The following FAM50B variants were observed in gnomAD, a reference collection of about 807,000 sequenced individuals.
FAM50B encodes protein FAM50B.
In FAM50B, 9 loss-of-function variants were observed where a neutral mutation model predicts 25.4. That is an observed-to-expected ratio of 0.35 (90% CI 0.21 to 0.62). The LOEUF (loss-of-function observed/expected upper bound fraction) is 0.62. Among genes scored for constraint, FAM50B ranks in the 20% least tolerant of loss-of-function variants. The pLI is 0.73. For synonymous variants in FAM50B, 212 were observed against 204.3 expected (o/e 1.04, Z -0.32); for missense variants, 372 against 477.9 (o/e 0.78, Z 2.07).
At chr6:3,840,183 C>T in the FAM50B span, among the ~76,000 whole-genome samples, 3 of 151,904 alleles carry the variant, frequency 2.0e-5, no homozygotes, top group Non-Finnish European at 4.4e-5. Context: ...TTAGTAGAGA[C>T]GGGGTTTCAC....
At chr6:3,837,758 A>G in the FAM50B span, among the ~76,000 whole-genome samples, 1 of 150,720 alleles carries the variant, frequency 6.6e-6, no homozygotes, top group African/African-American at 2.4e-5. Flanking sequence ...ACAGAGAGAG[A>G]GGGGGCCACA....
At chr6:3,845,182 G>A (rs1762107364), upstream of FAM50B, among the ~76,000 whole-genome samples, 1 of 152,164 alleles carries the variant, frequency 6.6e-6, no homozygotes. Context: ...GGAACTTAGG[G>A]GAAAATTCTA....
rs1762207833 is a variant in FAM50B, at chr6:3,850,749, A to G, written c.938A>G (p.Tyr313Cys). 5 of 1,613,888 alleles carry G rather than the reference A, an allele frequency of 3.1e-6. No homozygotes were observed. Among genetic ancestry groups the G allele is most frequent in the Non-Finnish European group, 4.2e-6 (5 of 1,180,040 alleles). The change falls in exon 2 of 2, where the codon TAT becomes TGT. Residue 313 changes from tyrosine to cysteine, a missense_variant. By Grantham distance (194) the Tyr-to-Cys change is radical. This residue lies in a region of FAM50B where 57 missense variants were observed against 65.8 expected (regional missense o/e 0.87). Transcript: ENST00000648326. ...TTCCCCGCCAGCCGCTGGGAGGCCT[A>G]TGACCCCGAGAAGAAGTGGGACAAG... ...HIFPASRWEA[Y>C]DPEKKWDKYT... is the part of the protein sequence containing the mutation.
chr6:3,838,939 T>C, the FAM50B span, among the ~76,000 whole-genome samples: 1 of 151,742 alleles, frequency 6.6e-6, no homozygotes, highest in African/African-American at 2.4e-5. Flanking sequence ...AAATGCATTA[T>C]ACTGGAGTGA....
chr6:3,837,635 A>G, the FAM50B span, among the ~76,000 whole-genome samples: 3 of 152,244 alleles, frequency 2.0e-5, no homozygotes, highest in African/African-American at 7.2e-5. Context: ...TGGGTAATTT[A>G]TAAAGAACAG....
At chr6:3,848,936 ATG>A (rs1482806252), upstream of FAM50B, among the ~76,000 whole-genome samples, 1 of 151,754 alleles carries the variant, frequency 6.6e-6, no homozygotes, top group African/African-American at 2.4e-5. Context: ...TGCGCAGGTA[ATG>A]TTCACGAGAC....
chr6:3,838,840 CAA>C, the FAM50B span, among the ~76,000 whole-genome samples: 5 of 48,168 alleles, frequency 1.0e-4, no homozygotes, highest in African/African-American at 3.3e-4. Flanking sequence ...GACTCCATCT[CAA>C]AAAAAAAAAA....
the FAM50B span, among the ~76,000 whole-genome samples, chr6:3,834,604 G>T: frequency 6.6e-6 from 1 of 151,944 alleles, no homozygotes; most frequent in Non-Finnish European, 1.5e-5. Flanking sequence ...GTTTAAAAAG[G>T]TTACTAATAA....
At chr6:3,837,091 A>C in the FAM50B span, among the ~76,000 whole-genome samples, 2 of 152,224 alleles carry the variant, frequency 1.3e-5, no homozygotes, top group Non-Finnish European at 2.9e-5. Context: ...CTCAAACTGG[A>C]CCACAGATCT....
chr6:3,850,038 G>A lies in FAM50B; in HGVS notation c.227G>A (p.Arg76Gln). 4 of 1,613,200 alleles carry A rather than the reference G, an allele frequency of 2.5e-6. No individual in the cohort carries two copies. The highest frequency in any genetic ancestry group is 2.2e-5 in the East Asian group (1 of 44,844). The change falls in exon 2 of 2, where the codon CGG becomes CAG. Residue 76 changes from arginine to glutamine, a missense_variant. Coordinates refer to ENST00000648326, the MANE Select transcript of FAM50B (RefSeq NM_012135.3). Reference protein sequence around the residue: ...GLVTLNDMKARQEALVRERER... With the variant: ...GLVTLNDMKAQQEALVRERER... The stretch of plus-strand genomic sequence containing the variant: ...GTGACCCTGAACGACATGAAGGCCC[G>A]GCAGGAGGCCCTGGTCAGGGAGCGC...
chr6:3,848,464 G>C (rs1581302278), upstream of FAM50B, among the ~76,000 whole-genome samples: 2 of 152,316 alleles, frequency 1.3e-5, no homozygotes, highest in South Asian at 4.1e-4. Flanking sequence ...ACACCGTGCT[G>C]TTCTCCTCTG....
At chr6:3,849,625 G>A in intron 1 of FAM50B, 139 bp downstream of exon 1, 1 of 1,017,082 alleles carries the variant, frequency 9.8e-7, no homozygotes, top group Non-Finnish European at 1.4e-6. Context: ...GCTGGAAATT[G>A]GTGCCTGGTG....
chr6:3,836,972 T>A, the FAM50B span, among the ~76,000 whole-genome samples: 3 of 152,192 alleles, frequency 2.0e-5, no homozygotes, highest in African/African-American at 7.2e-5. Flanking sequence ...TCGTGCAGGC[T>A]TTTGGAAAAT....
At chr6:3,846,044 C>T (rs373769589), upstream of FAM50B, among the ~76,000 whole-genome samples, 56 of 152,172 alleles carry the variant, frequency 3.7e-4, 1 homozygote, top group African/African-American at 1.2e-3. Context: ...TCTATTCAGG[C>T]GCAGTGAAAA....
Position 3,850,186 on chromosome 6 carries a change from C to A in FAM50B, c.375C>A (p.Asp125Glu). Reference protein sequence around the residue: ...RKISCLSFALDDLDDQADAAE... With the variant: ...RKISCLSFALEDLDDQADAAE... ...TCTCCTGCCTGTCCTTTGCACTAGA[C>A]GACCTCGATGACCAGGCCGACGCGG... Residue 125 changes from aspartate (D) to glutamate (E), a missense_variant, in exon 2 of 2, where the codon GAC (aspartate) becomes GAA (glutamate). By Grantham distance (45) the Asp-to-Glu change is conservative (BLOSUM62 2). This residue lies in a region of FAM50B where 224 missense variants were observed against 232.2 expected (regional missense o/e 0.96). Coordinates refer to ENST00000648326, the MANE Select transcript of FAM50B (RefSeq NM_012135.3). 1 of 1,613,424 alleles carries A rather than the reference C, an allele frequency of 6.2e-7. No individual in the cohort carries two copies. The highest frequency in any genetic ancestry group is 8.5e-7 in the Non-Finnish European group (1 of 1,179,854).
chr6:3,839,255 A>G, the FAM50B span, among the ~76,000 whole-genome samples: 2 of 151,942 alleles, frequency 1.3e-5, no homozygotes, highest in African/African-American at 4.8e-5. Context: ...GGGAGCTGCC[A>G]GCCTCTTTTT....
At chr6:3,843,774 A>G in the FAM50B span, among the ~76,000 whole-genome samples, 1 of 152,220 alleles carries the variant, frequency 6.6e-6, no homozygotes. Flanking sequence ...AATATTATCT[A>G]GATATCCTTT....
chr6:3,849,001 C>T (rs1162637744), upstream of FAM50B, among the ~76,000 whole-genome samples: 2 of 152,206 alleles, frequency 1.3e-5, no homozygotes, highest in African/African-American at 4.8e-5. Flanking sequence ...AGAGCAGGGC[C>T]GTGTTGCAAG....
At chr6:3,832,611 A>C in the FAM50B span, among the ~76,000 whole-genome samples, 1 of 152,174 alleles carries the variant, frequency 6.6e-6, no homozygotes, top group African/African-American at 2.4e-5. Flanking sequence ...CTGTGAAGGA[A>C]CCATCTTCCA....
Sources: gnomAD v4.1 joint callset for allele counts (sites outside exome capture counted in the v4.1 genomes callset) on GRCh38, gnomAD v4.1.1 for gene constraint, gnomAD v4.1.1 regional missense constraint, MANE v1.5 for transcripts, NCBI Gene and HGNC (gene_info 2026-07-23, HGNC 2026-07-21) for gene names.